PREX2: variants seen among roughly 807,000 people sequenced by gnomAD.
The protein encoded by PREX2 is phosphatidylinositol-3,4,5-trisphosphate dependent Rac exchange factor 2, also known as phosphatidylinositol 3,4,5-trisphosphate-dependent Rac exchanger 2 protein.
A neutral mutation model predicts 203.2 loss-of-function variants in PREX2; 107 were observed. The observed-to-expected ratio is 0.53, with a 90% CI of 0.45 to 0.62. PREX2 has a LOEUF of 0.62. Ranked by LOEUF, PREX2 falls within the 20% of genes least tolerant of loss-of-function variation. The pLI is 0.00. For missense variants in PREX2, 1,777 were observed against 1,955.9 expected (o/e 0.91, Z 1.72); for synonymous variants, 672 against 663.6 (o/e 1.01, Z -0.19).
chr8:68,050,655 C>T (rs907435970), intron 8 of PREX2, among the ~76,000 whole-genome samples: 17 of 152,164 alleles, frequency 1.1e-4, no homozygotes, highest in Non-Finnish European at 2.1e-4. Flanking sequence ...TACATTGAAA[C>T]AATAGCCACA....
chr8:68,154,512 A>G (rs948032157), intron 34 of PREX2, among the ~76,000 whole-genome samples: 13 of 152,218 alleles, frequency 8.5e-5, no homozygotes, highest in Non-Finnish European at 1.0e-4. Flanking sequence ...TTTATCTTGA[A>G]GTATGACTAT....
intron 1 of PREX2, among the ~76,000 whole-genome samples, chr8:67,969,389 C>A (rs906375138): frequency 6.6e-6 from 1 of 152,058 alleles, no homozygotes; most frequent in African/African-American, 2.4e-5. Flanking sequence ...GGTCTCATCA[C>A]CCCCTGTATC....
At chr8:68,048,103 G>C (rs1024705452) in intron 8 of PREX2, among the ~76,000 whole-genome samples, 1 of 151,906 alleles carries the variant, frequency 6.6e-6, no homozygotes, top group Non-Finnish European at 1.5e-5. Flanking sequence ...GTTGACCTTT[G>C]CATTTGTGGC....
At chr8:68,179,396 C>T (rs1812042488) in intron 35 of PREX2, among the ~76,000 whole-genome samples, 1 of 151,668 alleles carries the variant, frequency 6.6e-6, no homozygotes, top group African/African-American at 2.4e-5. Flanking sequence ...TGTGTGTGTT[C>T]TTTAAACAGG....
In PREX2 at chr8:68,097,083, T is replaced by A; in HGVS notation, c.2435T>A (p.Val812Glu). ...AAGAAGGAGCATGTGAGTCTGACAG[T>A]GGACAATGTCCACCTGGAATATGGT... ...DGKKEHVSLT[V>E]DNVHLEYGVV... Residue 812 changes from valine to glutamate, a missense_variant, in exon 22 of 40, where the codon GTG becomes GAG. Physicochemically the swap from Val to Glu is moderately radical, Grantham distance 121 (BLOSUM62 -2). Transcript: ENST00000288368. The A allele has an allele frequency of 6.2e-7, 1 of 1,613,956 alleles. No individual in the cohort carries two copies. The highest frequency in any genetic ancestry group is 8.5e-7 in the Non-Finnish European group (1 of 1,179,910).
Position 68,027,304 on chromosome 8 carries a change from A to G in PREX2, c.524A>G (p.Lys175Arg), listed in dbSNP as rs1160822115. Reference sequence around the variant, plus strand: ...GTAACACCAATACAAAGAATATGCAAGTACCCTCTTATTTTGAAGGTATTT... The same window carrying G: ...GTAACACCAATACAAAGAATATGCAGGTACCCTCTTATTTTGAAGGTATTT... The part of the protein sequence containing the change: ...YLVTPIQRIC[K>R]YPLILKELLK... Residue 175 changes from lysine to arginine, a missense_variant, in exon 5 of 40, where the codon AAG becomes AGG. Lys to Arg is a conservative substitution (Grantham distance 26). Coordinates refer to ENST00000288368, the MANE Select transcript of PREX2 (RefSeq NM_024870.4). 1 of 1,601,512 alleles carries G rather than the reference A, an allele frequency of 6.2e-7. No homozygotes were observed. The highest frequency in any genetic ancestry group is 1.1e-5 in the South Asian group (1 of 90,780).
intron 8 of PREX2, among the ~76,000 whole-genome samples, chr8:68,049,000 GT>G (rs570294980): frequency 0.011 from 1,616 of 150,162 alleles, 30 homozygotes; most frequent in African/African-American, 0.036. Context: ...GAATGTAATA[GT>G]TTTTTTTTCT....
At chr8:68,073,039 A>T (rs1364370254) in intron 14 of PREX2, among the ~76,000 whole-genome samples, 1 of 151,834 alleles carries the variant, frequency 6.6e-6, no homozygotes, top group Non-Finnish European at 1.5e-5. Context: ...TATTGTTGTT[A>T]TTGTTGACCT....
chr8:68,220,097 T>A (rs183923466), intron 38 of PREX2: 2 of 152,018 alleles, frequency 1.3e-5, no homozygotes, highest in African/African-American at 2.4e-5. Flanking sequence ...TAAGATTTTT[T>A]AATTTTTTTG....
intron 23 of PREX2, among the ~76,000 whole-genome samples, chr8:68,107,892 T>C (rs1490772039): frequency 1.3e-5 from 2 of 152,236 alleles, no homozygotes; most frequent in Non-Finnish European, 2.9e-5. Context: ...TTCAAAGGAA[T>C]CATATGCATT....
chr8:68,038,473 C>T (rs566811189), intron 7 of PREX2, among the ~76,000 whole-genome samples, 181 bp downstream of exon 7: 3 of 152,246 alleles, frequency 2.0e-5, no homozygotes, highest in South Asian at 4.1e-4. Context: ...TTGTTCACTT[C>T]ACCTTCTTGT....
chr8:68,006,359 G>A (rs1807093478), intron 1 of PREX2, among the ~76,000 whole-genome samples: 1 of 152,216 alleles, frequency 6.6e-6, no homozygotes, highest in Admixed American at 6.5e-5. Flanking sequence ...TCTATCCTCA[G>A]TCTTGATTTT....
chr8:68,001,291 C>T (rs1806931768), intron 1 of PREX2, among the ~76,000 whole-genome samples: 1 of 122,518 alleles, frequency 8.2e-6, no homozygotes, highest in Admixed American at 9.0e-5. Context: ...CATGAAAATA[C>T]ACTTTTCAAA....
chr8:68,022,001 TA>T, intron 3 of PREX2, 34 bp from the exon 4 acceptor site: 1 of 1,009,658 alleles, frequency 9.9e-7, no homozygotes, highest in Non-Finnish European at 1.6e-6. Context: ...GAATGGTGAA[TA>T]AAATGACTAA....
intron 25 of PREX2, among the ~76,000 whole-genome samples, chr8:68,110,267 T>C (rs1441637177): frequency 6.6e-6 from 1 of 152,216 alleles, no homozygotes; most frequent in African/African-American, 2.4e-5. Context: ...GGATGGTTTG[T>C]CATATCATGG....
intron 35 of PREX2, among the ~76,000 whole-genome samples, chr8:68,173,985 A>C (rs1585844753): frequency 6.6e-6 from 1 of 152,326 alleles, no homozygotes; most frequent in East Asian, 1.9e-4. Flanking sequence ...TATGGAAGCA[A>C]GATTGATTTT....
chr8:67,996,951 T>C (rs1314599394), intron 1 of PREX2, among the ~76,000 whole-genome samples: 2 of 152,238 alleles, frequency 1.3e-5, no homozygotes, highest in East Asian at 3.8e-4. Context: ...AAAGTAATTA[T>C]GATTTTTGCC....
At chr8:68,231,248 T>G (rs1813164601) in intron 39 of PREX2, 85 bp from the exon 40 acceptor site, 11 of 923,134 alleles carry the variant, frequency 1.2e-5, no homozygotes, top group Non-Finnish European at 1.5e-5. Context: ...GAAATTATCA[T>G]CAATGTATTT....
Position 68,108,215 on chromosome 8 carries a change from A to T in PREX2, c.2822A>T (p.Asn941Ile). The change falls in exon 24 of 40, where the codon AAT (asparagine) becomes ATT (isoleucine). Residue 941 changes from asparagine (N) to isoleucine (I), a missense_variant. Asn to Ile is a moderately radical substitution (Grantham distance 149). Transcript: ENST00000288368. The part of the protein sequence containing the change: ...SDFCPTNCHV[N>I]VMEVSYPKTS... ...TTCTGCCCTACCAACTGCCATGTCAATGTGATGGAAGTTTCTTATCCCAAA... is the reference window on the plus strand; with the variant it reads ...TTCTGCCCTACCAACTGCCATGTCATTGTGATGGAAGTTTCTTATCCCAAA... The T allele has an allele frequency of 6.2e-7, 1 of 1,613,910 alleles. No individual in the cohort carries two copies. The highest frequency in any genetic ancestry group is 2.2e-5 in the East Asian group (1 of 44,874).
Sources: gnomAD v4.1 joint callset for allele counts (sites outside exome capture counted in the v4.1 genomes callset) on GRCh38, gnomAD v4.1.1 for gene constraint, MANE v1.5 for transcripts, NCBI Gene and HGNC (gene_info 2026-07-23, HGNC 2026-07-21) for gene names.